SAMD12: variants seen among roughly 807,000 people sequenced by gnomAD.
SAMD12 encodes sterile alpha motif domain containing 12, also known as sterile alpha motif domain-containing protein 12.
Under a neutral mutation model 15.0 loss-of-function variants are expected in SAMD12, and 9 were observed. That is an observed-to-expected ratio of 0.60 (90% CI 0.36 to 1.05). The LOEUF is 1.05. SAMD12 is among the 50% of genes least tolerant of loss of function. The probability of loss-of-function intolerance (pLI) is 0.01; values close to 1 mark genes in which losing one functional copy is unlikely to be tolerated. For missense variants in SAMD12, 230 were observed against 234.2 expected (o/e 0.98, Z 0.12); for synonymous variants, 86 against 90.1 (o/e 0.96, Z 0.25).
intron 4 of SAMD12, among the ~76,000 whole-genome samples, chr8:118,367,163 G>T (rs1818845690): frequency 1.3e-5 from 2 of 151,886 alleles, no homozygotes; most frequent in African/African-American, 4.8e-5. Context: ...GAGAATTGGT[G>T]GTCCCCCCAA....
At chr8:118,323,998 A>G (rs1447584153) in intron 4 of SAMD12, among the ~76,000 whole-genome samples, 1 of 151,768 alleles carries the variant, frequency 6.6e-6, no homozygotes, top group Non-Finnish European at 1.5e-5. Flanking sequence ...ATTACAAAAT[A>G]CTAAATAACA....
intron 4 of SAMD12, among the ~76,000 whole-genome samples, chr8:118,344,338 G>A (rs182279817): frequency 1.1e-4 from 16 of 152,306 alleles, no homozygotes; most frequent in African/African-American, 3.8e-4. Context: ...TTGTGTCGTA[G>A]GCCAACTTCG....
chr8:118,442,242 T>C (rs1822786112), intron 2 of SAMD12, among the ~76,000 whole-genome samples: 1 of 152,216 alleles, frequency 6.6e-6, no homozygotes, highest in Non-Finnish European at 1.5e-5. Context: ...GTGTCTTGTT[T>C]TCAGTAGATC....
At chr8:118,364,919 G>A (rs1321225122) in intron 4 of SAMD12, among the ~76,000 whole-genome samples, 1 of 151,980 alleles carries the variant, frequency 6.6e-6, no homozygotes, top group Non-Finnish European at 1.5e-5. Context: ...ATCATATCCT[G>A]TGTAGATTAC....
At chr8:118,179,438 C>T in the SAMD12 span, among the ~76,000 whole-genome samples, 21 of 127,110 alleles carry the variant, frequency 1.7e-4, no homozygotes, top group African/African-American at 5.1e-4. Context: ...ACTCCGTCTC[C>T]GAAAAAAAAA....
chr8:118,451,921 A>G (rs1823096176), intron 2 of SAMD12, among the ~76,000 whole-genome samples: 2 of 152,172 alleles, frequency 1.3e-5, no homozygotes, highest in South Asian at 2.1e-4. Context: ...TGGACTGAAT[A>G]TCTCTGTCTC....
At chr8:118,367,904 C>T (rs2630107) in intron 4 of SAMD12, among the ~76,000 whole-genome samples, 1 of 152,170 alleles carries the variant, frequency 6.6e-6, no homozygotes, top group African/African-American at 2.4e-5. Flanking sequence ...GAGTCCATGT[C>T]AAGCCTTAAA....
chr8:118,358,172 T>C (rs1323973071), intron 4 of SAMD12, among the ~76,000 whole-genome samples: 4 of 152,080 alleles, frequency 2.6e-5, no homozygotes, highest in Non-Finnish European at 5.9e-5. Flanking sequence ...CAAAACAAAC[T>C]TTCCTGTTTC....
chr8:118,576,325 G>A (rs1827152002), intron 2 of SAMD12, among the ~76,000 whole-genome samples: 1 of 152,118 alleles, frequency 6.6e-6, no homozygotes, highest in Non-Finnish European at 1.5e-5. Context: ...ATTGAACAAT[G>A]GAGGTGAAAA....
intron 2 of SAMD12, among the ~76,000 whole-genome samples, chr8:118,521,147 A>G (rs892981455): frequency 1.3e-5 from 2 of 152,172 alleles, no homozygotes; most frequent in African/African-American, 4.8e-5. Flanking sequence ...TAAAAATTGT[A>G]GTGTTTTTCC....
intron 2 of SAMD12, among the ~76,000 whole-genome samples, chr8:118,501,345 T>A (rs1824776268): frequency 6.6e-6 from 1 of 152,226 alleles, no homozygotes; most frequent in Non-Finnish European, 1.5e-5. Context: ...AGGAAATAAG[T>A]CTGTGATGTA....
chr8:118,232,312 A>G (rs1181406523), intron 4 of SAMD12, among the ~76,000 whole-genome samples: 2 of 151,984 alleles, frequency 1.3e-5, no homozygotes, highest in African/African-American at 4.8e-5. Context: ...ATGTTGCCCA[A>G]GTTGCAACCT....
At chr8:118,400,532 G>A (rs925058879) in intron 3 of SAMD12, 2 of 152,174 alleles carry the variant, frequency 1.3e-5, no homozygotes, top group Middle Eastern at 3.2e-3. Flanking sequence ...CCATACATCA[G>A]GAGACACTTG....
At chr8:118,219,073 G>T (rs990077294) in intron 4 of SAMD12, among the ~76,000 whole-genome samples, 3 of 152,128 alleles carry the variant, frequency 2.0e-5, no homozygotes, top group Non-Finnish European at 2.9e-5. Context: ...CTGGGTCTCC[G>T]CTGCCCCCAA....
chr8:118,255,533 T>G (rs1360882274), intron 4 of SAMD12, among the ~76,000 whole-genome samples: 1 of 111,054 alleles, frequency 9.0e-6, no homozygotes, highest in Non-Finnish European at 1.7e-5. Flanking sequence ...GTCCCCAGAG[T>G]GTGATGTTCC....
intron 4 of SAMD12, among the ~76,000 whole-genome samples, chr8:118,336,856 T>C (rs1817101358): frequency 6.6e-6 from 1 of 152,234 alleles, no homozygotes; most frequent in South Asian, 2.1e-4. Context: ...TTCATGTCCT[T>C]TGTAGGGACA....
chr8:118,534,007 C>T (rs1394126014), intron 2 of SAMD12, among the ~76,000 whole-genome samples: 3 of 152,136 alleles, frequency 2.0e-5, no homozygotes, highest in African/African-American at 7.2e-5. Context: ...TGTTATTTTG[C>T]TTGTTAGTTG....
intron 2 of SAMD12, among the ~76,000 whole-genome samples, chr8:118,498,900 G>T (rs1451465750): frequency 6.6e-6 from 1 of 152,180 alleles, no homozygotes; most frequent in Non-Finnish European, 1.5e-5. Context: ...CTTGTGCTAT[G>T]AAGTATTTTC....
At chr8:118,580,499 C>G (rs1229893155) in intron 2 of SAMD12, among the ~76,000 whole-genome samples, 1 of 152,188 alleles carries the variant, frequency 6.6e-6, no homozygotes, top group African/African-American at 2.4e-5. Flanking sequence ...GAGCCTCACA[C>G]TATGAGACTG....
Sources: gnomAD v4.1 joint callset for allele counts (sites outside exome capture counted in the v4.1 genomes callset) on GRCh38, gnomAD v4.1.1 for gene constraint, MANE v1.5 for transcripts, NCBI Gene and HGNC (gene_info 2026-07-23, HGNC 2026-07-21) for gene names.